Variants in ANK2 observed in about 807,000 individuals in gnomAD.
The protein encoded by ANK2 is ankyrin-2.
Under a neutral mutation model 360.5 loss-of-function variants are expected in ANK2, and 83 were observed. The ratio of observed to expected loss-of-function variants is 0.23; its 90% confidence interval spans 0.19 to 0.28. ANK2 has a LOEUF of 0.28. ANK2 is among the 10% of genes least tolerant of loss of function. The pLI is 1.00. For synonymous variants in ANK2, 1,740 were observed against 1,759.5 expected (o/e 0.99, Z 0.28); for missense variants, 4,201 against 4,795.7 (o/e 0.88, Z 3.66).
chr4:113,077,161 T>C (rs1475397615), intron 1 of ANK2, among the ~76,000 whole-genome samples: 1 of 151,814 alleles, frequency 6.6e-6, no homozygotes, highest in African/African-American at 2.4e-5. Context: ...GGCATACCCA[T>C]AGGAGAGAAA....
At chr4:113,050,601 T>G (rs1183105963) in intron 1 of ANK2, among the ~76,000 whole-genome samples, 2 of 152,178 alleles carry the variant, frequency 1.3e-5, no homozygotes, top group African/African-American at 2.4e-5. Flanking sequence ...TCTGGTAAAC[T>G]GTTGCAGCCT....
chr4:113,214,647 G>T (rs1040465169), intron 4 of ANK2, among the ~76,000 whole-genome samples: 3 of 152,070 alleles, frequency 2.0e-5, no homozygotes, highest in Admixed American at 2.0e-4. Context: ...TTATTACTAA[G>T]AGTATTAAGC....
chr4:113,302,050 A>C (rs1415690564), intron 22 of ANK2, among the ~76,000 whole-genome samples: 1 of 152,178 alleles, frequency 6.6e-6, no homozygotes, highest in Non-Finnish European at 1.5e-5. Flanking sequence ...ATGGTTGAGG[A>C]AATTGAGGCA....
rs754680934 is a variant in ANK2 at position 112,890,556 on chromosome 4, G to GTTTTTTTTTTTT, written c.-39-13882_-39-13871dup. ...GGAATTTATGATATACATTTCTGTG[G>GTTTTTTTTTTTT]TTTTTTTTTTTTTTTTTTTTTTTTT... On this transcript the variant is annotated intron_variant, in intron 1 of 30. Transcript: ENST00000503271. Among the ~76,000 whole-genome samples, 39 of 67,458 alleles carry GTTTTTTTTTTTT rather than the reference G, an allele frequency of 5.8e-4. 4 individuals are homozygous for GTTTTTTTTTTTT. The highest frequency in any genetic ancestry group is 7.3e-4 in the Non-Finnish European group (29 of 39,608). The allele number at this position is 67,458 out of a possible 152,430, so 44.3% of individuals were successfully genotyped here. A position where few individuals can be genotyped will look rare whatever the true frequency, so the allele number is the denominator to read the frequency against.
chr4:112,839,410 C>T, intron 1 of ANK2, among the ~76,000 whole-genome samples: 1 of 151,852 alleles, frequency 6.6e-6, no homozygotes, highest in East Asian at 1.9e-4. Flanking sequence ...TTAGTGACAG[C>T]CTGGAAAACA....
rs775581505 is a variant in ANK2, at chr4:113,255,964, A to G, written c.1188+32A>G. 36 of 1,601,966 alleles carry G rather than the reference A, an allele frequency of 2.2e-5. No homozygotes were observed. In the African/African-American group the frequency reaches 4.5e-4, roughly 20 times the overall value. On this transcript the variant is annotated intron_variant, in intron 11 of 45. Coordinates refer to ENST00000357077, the MANE Select transcript of ANK2 (RefSeq NM_001148.6). Reference sequence around the variant, plus strand: ...TTGGCCCAGTCCACATTAACTGAATACAGATTGAGACAAACAAACCCACAT... The same window carrying G: ...TTGGCCCAGTCCACATTAACTGAATGCAGATTGAGACAAACAAACCCACAT...
Position 113,354,838 on chromosome 4 carries a change from G to T in ANK2, c.6220G>T (p.Gly2074Ter). ...SKRGVRVSSIGVKKEDAAGGK... is the reference protein window; with the variant it reads ...SKRGVRVSSI ...AAGAGGAGTTCGTGTTTCCTCCATA[G>T]GAGTTAAGAAAGAAGATGCAGCTGG... is the stretch of plus-strand genomic sequence containing the variant. The change falls in exon 38 of 46, where the codon GGA becomes TGA. Residue 2074 changes from glycine to a stop codon, truncating the protein, a stop_gained. Transcript: ENST00000357077. LOFTEE classifies it high-confidence loss of function. The T allele has an allele frequency of 6.2e-7, 1 of 1,614,076 alleles. No individual in the cohort carries two copies. The highest frequency in any genetic ancestry group is 8.5e-7 in the Non-Finnish European group (1 of 1,179,976).
rs370715876 is a variant in ANK2, at chr4:113,282,803, G to A, written c.2010G>A (p.Ser670=). 80 of 1,613,860 alleles carry A rather than the reference G, an allele frequency of 5.0e-5. No homozygotes were observed. Among genetic ancestry groups the A allele is most frequent in the Admixed American group, 5.0e-5 (3 of 59,962 alleles). ...KQGVTPLHLA[S]QEGHTDMVTL... ...GAGTAACTCCACTCCATCTGGCCTCGCAGGAGGGGCACACAGATATGGTTA... is the reference window on the plus strand; with the variant it reads ...GAGTAACTCCACTCCATCTGGCCTCACAGGAGGGGCACACAGATATGGTTA... Residue 670 remains serine (S), a synonymous_variant, in exon 18 of 46, where the codon TCG becomes TCA. Transcript: ENST00000357077.
At chr4:113,264,862 T>C in intron 13 of ANK2, 35 bp from the exon 14 acceptor site, 1 of 1,548,390 alleles carries the variant, frequency 6.5e-7, no homozygotes, top group Non-Finnish European at 8.7e-7. Flanking sequence ...AGCGGTGGGT[T>C]AATTTATGAT....
At position 113,108,467 on chromosome 4, in the gene ANK2, G is replaced by C. The variant is rs1009906833; in HGVS notation, c.84+58655G>C. Among the ~76,000 whole-genome samples, 11 of 152,112 alleles carry C rather than the reference G, an allele frequency of 7.2e-5. No individual in the cohort carries two copies. In the South Asian group the frequency reaches 2.1e-3, roughly 29 times the overall value. ...ATAGCAACTACAATAGGATCAAAAG[G>C]TTTGGGATAAACATACTTGACTCTT... On this transcript the variant is annotated intron_variant, in intron 1 of 45. Transcript: ENST00000357077.
chr4:112,932,467 G>A (rs2093342543), intron 2 of ANK2, among the ~76,000 whole-genome samples: 1 of 149,756 alleles, frequency 6.7e-6, no homozygotes, highest in Non-Finnish European at 1.5e-5. Context: ...ACTACAGCCT[G>A]GGTGACAGAG....
chr4:113,213,357 A>G (rs1347218882), intron 4 of ANK2, among the ~76,000 whole-genome samples: 1 of 152,192 alleles, frequency 6.6e-6, no homozygotes, highest in Non-Finnish European at 1.5e-5. Context: ...TGAAGAACCA[A>G]TTTTAAGCTG....
intron 39 of ANK2, 39 bp downstream of exon 39, chr4:113,360,936 C>T: frequency 1.9e-6 from 3 of 1,541,888 alleles, no homozygotes; most frequent in Non-Finnish European, 2.7e-6. Context: ...CAAAACCTGA[C>T]ATAGATGCAT....
In ANK2 at chr4:113,225,218, C is replaced by T. The variant is rs362468; in HGVS notation, c.385-6943C>T. On this transcript the variant is annotated intron_variant, in intron 4 of 45. Transcript: ENST00000357077. ...CATGGGCCATAATATACCTTCTTCACGGAGTTAATTGCTCAGTCTTTAGTA... is the reference window on the plus strand; with the variant it reads ...CATGGGCCATAATATACCTTCTTCATGGAGTTAATTGCTCAGTCTTTAGTA... Among the ~76,000 whole-genome samples, 1,878 of 152,212 alleles carry T rather than the reference C, an allele frequency of 0.012. 85 individuals carry two copies. In the East Asian group the frequency reaches 0.17, roughly 14 times the overall value.
At chr4:112,976,103 T>A (rs924124281) in intron 2 of ANK2, among the ~76,000 whole-genome samples, 1 of 152,190 alleles carries the variant, frequency 6.6e-6, no homozygotes, top group African/African-American at 2.4e-5. Context: ...GTCTTCCTTT[T>A]GTAAGCATGC....
chr4:113,362,351 A>G (rs1268982658), intron 39 of ANK2, among the ~76,000 whole-genome samples: 1 of 152,186 alleles, frequency 6.6e-6, no homozygotes, highest in East Asian at 1.9e-4. Flanking sequence ...TTGCCTTCAA[A>G]AGAGGTCACC....
intron 2 of ANK2, among the ~76,000 whole-genome samples, chr4:113,189,820 C>T (rs2098626823): frequency 6.6e-6 from 1 of 152,120 alleles, no homozygotes; most frequent in Admixed American, 6.5e-5. Flanking sequence ...GTACATACTC[C>T]TTCCCCTGCT....
At chr4:113,036,976 C>T (rs1180132802) in intron 2 of ANK2, among the ~76,000 whole-genome samples, 1 of 151,998 alleles carries the variant, frequency 6.6e-6, no homozygotes, top group Non-Finnish European at 1.5e-5. Context: ...TGGCATCCAT[C>T]TAGCCTGTAC....
intron 20 of ANK2, among the ~76,000 whole-genome samples, chr4:113,290,814 T>G (rs2153738726): frequency 6.6e-6 from 1 of 152,346 alleles, no homozygotes; most frequent in South Asian, 2.1e-4. Flanking sequence ...GATTAAGGGT[T>G]TGCAAATGAT....
Sources: allele counts gnomAD v4.1 joint callset (sites outside exome capture counted in the v4.1 genomes callset), GRCh38; gene constraint gnomAD v4.1.1; transcripts MANE v1.5; gene names NCBI Gene and HGNC (gene_info 2026-07-23, HGNC 2026-07-21).